PLA2G4A: variants seen among roughly 807,000 people sequenced by gnomAD.
The protein encoded by PLA2G4A is cytosolic phospholipase A2.
PLA2G4A carries 40 observed loss-of-function variants against 81.9 expected under a neutral mutation model. That is an observed-to-expected ratio of 0.49 (90% CI 0.38 to 0.64). The LOEUF is 0.64. Among genes scored for constraint, PLA2G4A ranks in the 30% least tolerant of loss-of-function variants. PLA2G4A has a pLI of 0.00. For synonymous variants in PLA2G4A, 302 were observed against 296.9 expected, an observed-to-expected ratio of 1.02 and a Z score of -0.18; for missense variants, 715 against 905.1, an observed-to-expected ratio of 0.79 and a Z score of 2.69.
chr1:186,931,662 T>C (rs537781723), intron 7 of PLA2G4A, among the ~76,000 whole-genome samples: 71 of 152,184 alleles, frequency 4.7e-4, no homozygotes, highest in African/African-American at 1.7e-3. Flanking sequence ...CTTATGACTA[T>C]ACAATCTTTT....
intron 14 of PLA2G4A, among the ~76,000 whole-genome samples, chr1:186,962,491 TTTATTTA>T (rs1324350931): frequency 0.013 from 806 of 63,440 alleles, 7 homozygotes; most frequent in African/African-American, 0.025. Flanking sequence ...TTTTATTTTA[TTTATTTA>T]TTTATTTATT....
At chr1:186,907,206 A>T (rs1654769360) in intron 6 of PLA2G4A, among the ~76,000 whole-genome samples, 1 of 152,162 alleles carries the variant, frequency 6.6e-6, no homozygotes, top group Admixed American at 6.5e-5. Flanking sequence ...CTTATATTTT[A>T]ATATGCTTTG....
At chr1:186,830,154 A>G (rs1651493912) in intron 1 of PLA2G4A, among the ~76,000 whole-genome samples, 1 of 152,222 alleles carries the variant, frequency 6.6e-6, no homozygotes, top group South Asian at 2.1e-4. Flanking sequence ...TACTTCTTTC[A>G]TTAGCTCCGG....
chr1:186,869,540 T>G (rs1050084030), intron 2 of PLA2G4A, among the ~76,000 whole-genome samples: 1 of 152,204 alleles, frequency 6.6e-6, no homozygotes, highest in Non-Finnish European at 1.5e-5. Context: ...CTTATCAATC[T>G]GTCTACACTT....
intron 5 of PLA2G4A, among the ~76,000 whole-genome samples, chr1:186,897,478 TC>T (rs1654373495): frequency 6.6e-6 from 1 of 152,070 alleles, no homozygotes; most frequent in African/African-American, 2.4e-5. Flanking sequence ...AAAGAATACT[TC>T]TCTTCTTTTA....
chr1:186,950,634 A>G (rs1283607865), intron 12 of PLA2G4A, 23 bp from the exon 13 acceptor site: 3 of 1,403,828 alleles, frequency 2.1e-6, no homozygotes, highest in Middle Eastern at 1.8e-4. Flanking sequence ...AAATGCTTCA[A>G]TTTTTTTGTT....
chr1:186,974,742 A>T (rs1657473178), intron 15 of PLA2G4A, among the ~76,000 whole-genome samples: 1 of 152,234 alleles, frequency 6.6e-6, no homozygotes, highest in Non-Finnish European at 1.5e-5. Flanking sequence ...ATCTTTTAAA[A>T]TACTTTCTAA....
At chr1:186,965,817 A>G (rs1657108620) in intron 15 of PLA2G4A, among the ~76,000 whole-genome samples, 1 of 152,224 alleles carries the variant, frequency 6.6e-6, no homozygotes, top group Non-Finnish European at 1.5e-5. Context: ...TGAGCAGGAC[A>G]AGAATAATAC....
At chr1:186,849,684 C>T (rs1652306705) in intron 1 of PLA2G4A, among the ~76,000 whole-genome samples, 1 of 152,112 alleles carries the variant, frequency 6.6e-6, no homozygotes, top group Non-Finnish European at 1.5e-5. Flanking sequence ...TGCTCACCCT[C>T]AATTATTCTT....
intron 15 of PLA2G4A, among the ~76,000 whole-genome samples, chr1:186,974,693 G>A (rs1398333640): frequency 2.6e-5 from 4 of 152,134 alleles, no homozygotes; most frequent in Admixed American, 6.5e-5. Flanking sequence ...CCGGCATATC[G>A]CTGTAATTTG....
intron 12 of PLA2G4A, among the ~76,000 whole-genome samples, chr1:186,948,761 G>A (rs2102237165): frequency 6.6e-6 from 1 of 152,248 alleles, no homozygotes; most frequent in African/African-American, 2.4e-5. Context: ...TTAGAGGCCG[G>A]CAGTCTGGCA....
intron 2 of PLA2G4A, among the ~76,000 whole-genome samples, chr1:186,867,027 T>A (rs530761025): frequency 6.6e-6 from 1 of 152,318 alleles, no homozygotes; most frequent in South Asian, 2.1e-4. Context: ...CTGTTTTCTG[T>A]TCCATTGATC....
intron 8 of PLA2G4A, among the ~76,000 whole-genome samples, chr1:186,934,985 C>T (rs1655889364): frequency 6.6e-6 from 1 of 151,796 alleles, no homozygotes; most frequent in South Asian, 2.1e-4. Context: ...GCTATTACCA[C>T]CAAGAATTTA....
intron 2 of PLA2G4A, among the ~76,000 whole-genome samples, chr1:186,862,166 T>C (rs188739317): frequency 1.4e-4 from 21 of 151,450 alleles, no homozygotes; most frequent in African/African-American, 3.9e-4. Context: ...ACAGAAAATA[T>C]AAGAGACTTT....
intron 1 of PLA2G4A, among the ~76,000 whole-genome samples, chr1:186,844,050 T>TTAC (rs1652081668): frequency 6.6e-6 from 1 of 152,216 alleles, no homozygotes; most frequent in Non-Finnish European, 1.5e-5. Flanking sequence ...GCACCACCTG[T>TTAC]TACTACTGTG....
In PLA2G4A at chr1:186,880,300, T is replaced by C. The variant is rs546364627; in HGVS notation, c.115+9784T>C. The stretch of plus-strand genomic sequence containing the variant: ...ATGGGTAGGGGTTGCATTTCAATTT[T>C]GGAAAAGAAAATCATAAGAACAATA... On this transcript the variant is annotated intron_variant, in intron 3 of 17. Coordinates refer to ENST00000367466, the MANE Select transcript of PLA2G4A (RefSeq NM_024420.3). 5.9e-5 allele frequency among the ~76,000 whole-genome samples: 9 copies of C among 152,080 alleles called. No individual in the cohort carries two copies. In the South Asian group the frequency reaches 1.9e-3, roughly 32 times the overall value.
intron 5 of PLA2G4A, among the ~76,000 whole-genome samples, chr1:186,906,060 C>G (rs1173725004): frequency 6.6e-6 from 1 of 152,174 alleles, no homozygotes; most frequent in African/African-American, 2.4e-5. Context: ...TTCTGTTCTA[C>G]TTGAAGTTAT....
intron 3 of PLA2G4A, among the ~76,000 whole-genome samples, chr1:186,891,179 A>G (rs1654123897): frequency 6.6e-6 from 1 of 151,872 alleles, no homozygotes; most frequent in African/African-American, 2.4e-5. Context: ...TTTTATGGGT[A>G]CATAGTAGGT....
intron 2 of PLA2G4A, among the ~76,000 whole-genome samples, chr1:186,868,967 T>C (rs1318541673): frequency 1.3e-5 from 2 of 151,858 alleles, no homozygotes; most frequent in African/African-American, 2.4e-5. Context: ...ATTGATCTTA[T>C]TGATTTTTTC....
Sources: allele counts gnomAD v4.1 joint callset (sites outside exome capture counted in the v4.1 genomes callset), GRCh38; gene constraint gnomAD v4.1.1; transcripts MANE v1.5; gene names NCBI Gene and HGNC (gene_info 2026-07-23, HGNC 2026-07-21).